ZNF280D: variants seen among roughly 807,000 people sequenced by gnomAD.
The protein encoded by ZNF280D is zinc finger protein 280D, also known as suppressor of hairy wing homolog 4.
Under a neutral mutation model 94.7 loss-of-function variants are expected in ZNF280D, and 39 were observed. The ratio of observed to expected loss-of-function variants is 0.41; its 90% CI spans 0.32 to 0.54. The LOEUF (loss-of-function observed/expected upper bound fraction) is 0.54, where lower values mean the gene tolerates loss of function less well. Among genes scored for constraint, ZNF280D ranks in the 20% least tolerant of loss-of-function variants. The probability of loss-of-function intolerance (pLI) is 0.22; values close to 1 mark genes in which losing one functional copy is unlikely to be tolerated. For missense variants in ZNF280D, 1,090 were observed against 1,149.3 expected, an observed-to-expected ratio of 0.95 and a Z score of 0.75; for synonymous variants, 398 against 377.6, an observed-to-expected ratio of 1.05 and a Z score of -0.63.
chr15:56,720,981 G>C (rs958816836), intron 1 of ZNF280D, among the ~76,000 whole-genome samples: 2 of 123,580 alleles, frequency 1.6e-5, no homozygotes, highest in African/African-American at 5.6e-5. Context: ...GGGGGGGGGG[G>C]GGACAGAGTC....
At chr15:56,673,167 C>T (rs1596453064) in intron 13 of ZNF280D, among the ~76,000 whole-genome samples, 2 of 152,084 alleles carry the variant, frequency 1.3e-5, no homozygotes, top group South Asian at 4.2e-4. Flanking sequence ...TAAATACCAT[C>T]TATCCAAATG....
intron 19 of ZNF280D, chr15:56,653,644 A>C (rs1253458114): frequency 1.4e-6 from 2 of 1,418,634 alleles, no homozygotes; most frequent in African/African-American, 2.9e-5. Flanking sequence ...ACGAATGAGA[A>C]AAAGACAATT....
chr15:56,651,521 A>C (rs2053203755), intron 19 of ZNF280D, among the ~76,000 whole-genome samples: 1 of 152,162 alleles, frequency 6.6e-6, no homozygotes, highest in African/African-American at 2.4e-5. Context: ...TTCATACTTT[A>C]AGAAAATGAA....
intron 4 of ZNF280D, among the ~76,000 whole-genome samples, 157 bp downstream of exon 4, chr15:56,703,964 A>G (rs1464698106): frequency 6.6e-6 from 1 of 152,166 alleles, no homozygotes; most frequent in Non-Finnish European, 1.5e-5. Context: ...CTTTTCTGAC[A>G]TCTGATATTT....
At chr15:56,687,377 T>C (rs577711645) in intron 9 of ZNF280D, among the ~76,000 whole-genome samples, 114 of 152,264 alleles carry the variant, frequency 7.5e-4, no homozygotes, top group Non-Finnish European at 1.2e-3. Context: ...TTTTGGAGAA[T>C]GTTGCCATTC....
chr15:56,682,604 A>G (rs752616136), intron 9 of ZNF280D, 127 bp from the exon 10 acceptor site: 20 of 581,516 alleles, frequency 3.4e-5, no homozygotes, highest in Non-Finnish European at 5.0e-5. Context: ...ATATATCTAG[A>G]AAAATAGTCA....
rs549860860 is a variant in ZNF280D at position 56,727,013 on chromosome 15, G to A, written c.-86+6445C>T. Among the ~76,000 whole-genome samples, 29 of 152,284 alleles carry A rather than the reference G, an allele frequency of 1.9e-4. No individual in the cohort carries two copies. The South Asian group carries it at 5.8e-3, about 30-fold the overall frequency. On this transcript the variant is annotated intron_variant, in intron 1 of 21. Transcript: ENST00000267807. The stretch of plus-strand genomic sequence containing the variant: ...ACTATTTTAACCCCCCCAAAAAAGG[G>A]AACTTGGAATTTCAGGGACAATAAA...
intron 20 of ZNF280D, among the ~76,000 whole-genome samples, chr15:56,640,379 C>T (rs929101833): frequency 2.0e-5 from 3 of 152,076 alleles, no homozygotes; most frequent in Non-Finnish European, 4.4e-5. Flanking sequence ...CCAGCTCTGT[C>T]TCCAAAGTGA....
chr15:56,689,143 A>G lies in ZNF280D; in HGVS notation c.678T>C (p.Asn226=), dbSNP rs1186955999. 1 of 1,604,660 alleles carries G rather than the reference A, an allele frequency of 6.2e-7. No homozygotes were observed. ...CATTTTTAGACTGATTTGATGAGGT[A>G]TTTGTACCTAAAATAAATTCAGAAC... The part of the protein sequence containing the change: ...SSQAMLAKGT[N]TSSNQSKNGT... Residue 226 remains asparagine (N), a synonymous_variant, in exon 9 of 22, where the codon AAT becomes AAC. Coordinates refer to ENST00000267807, the MANE Select transcript of ZNF280D (RefSeq NM_017661.4).
intron 10 of ZNF280D, among the ~76,000 whole-genome samples, chr15:56,679,327 C>A (rs779975854): frequency 5.9e-5 from 9 of 152,170 alleles, no homozygotes; most frequent in Non-Finnish European, 1.0e-4. Context: ...ATTCCAGCTA[C>A]TTAAATGACA....
In ZNF280D at chr15:56,689,155, A is replaced by G; in HGVS notation, c.671-5T>C. ...GATTTGATGAGGTATTTGTACCTAA[A>G]ATAAATTCAGAACATTTATGACTCA... On this transcript the variant is annotated splice_region_variant and splice_polypyrimidine_tract_variant and intron_variant, in intron 8 of 21. Transcript: ENST00000267807. 1 of 1,599,342 alleles carries G rather than the reference A, an allele frequency of 6.3e-7. No individual in the cohort carries two copies. Among genetic ancestry groups the G allele is most frequent in the South Asian group, 1.1e-5 (1 of 87,824 alleles).
At chr15:56,708,907 A>G (rs1422798278) in intron 1 of ZNF280D, among the ~76,000 whole-genome samples, 2 of 152,190 alleles carry the variant, frequency 1.3e-5, no homozygotes, top group African/African-American at 4.8e-5. Context: ...TAAAAACCCT[A>G]GAAGAAAACC....
chr15:56,663,134 T>A, intron 16 of ZNF280D, among the ~76,000 whole-genome samples: 1 of 149,142 alleles, frequency 6.7e-6, no homozygotes. Flanking sequence ...AAAAAAAAAA[T>A]TATCTGAGCA....
chr15:56,724,984 C>G (rs2058562635), intron 1 of ZNF280D: 1 of 386,660 alleles, frequency 2.6e-6, no homozygotes, highest in African/African-American at 2.1e-5. Context: ...GTCAGATAAT[C>G]TTAAACCTTG....
rs150876499 is a variant in ZNF280D at position 56,718,628 on chromosome 15, G to C, written c.-85-11322C>G. On this transcript the variant is annotated intron_variant, in intron 1 of 21. Transcript: ENST00000267807. ...AAGAAAAATTTTCACACAGGGTACA[G>C]GGAATATCTTCCTCTTCAAAACTTC... 5.5e-3 allele frequency among the ~76,000 whole-genome samples: 844 copies of C among 152,216 alleles called. 7 individuals are homozygous for C. The highest frequency in any genetic ancestry group is 0.019 in the African/African-American group (806 of 41,494).
rs2054686911 is a variant in ZNF280D at position 56,669,958 on chromosome 15, T to A, written c.1411-1001A>T. 5.2e-4 allele frequency among the ~76,000 whole-genome samples: 2 copies of A among 3,820 alleles called. 1 individual carries two copies. The highest frequency in any genetic ancestry group is 7.9e-4 in the Non-Finnish European group (2 of 2,532). 2.5% of individuals were successfully genotyped at this position (3,820 alleles called of 152,430 possible). On this transcript the variant is annotated intron_variant, in intron 13 of 21. Coordinates refer to ENST00000267807, the MANE Select transcript of ZNF280D (RefSeq NM_017661.4). Reference sequence around the variant, plus strand: ...ATATTATATATATATATTATATATATATATTATATATATATAATATATATA... The same window carrying A: ...ATATTATATATATATATTATATATAAATATTATATATATATAATATATATA...
intron 1 of ZNF280D, among the ~76,000 whole-genome samples, chr15:56,716,557 G>A (rs1356210298): frequency 6.7e-6 from 1 of 149,312 alleles, no homozygotes; most frequent in Non-Finnish European, 1.5e-5. Context: ...AAGACATAGA[G>A]ATAGACAAGA....
intron 1 of ZNF280D, among the ~76,000 whole-genome samples, chr15:56,709,913 T>C (rs1091645): frequency 1 from 152,043 of 152,240 alleles, 75,924 homozygotes; most frequent in Middle Eastern, 1. Context: ...ATGTAAATGA[T>C]GAGTTAATGG....
At chr15:56,702,910 AACACACACACACACACACACACAC>A (rs59095987) in intron 4 of ZNF280D, among the ~76,000 whole-genome samples, 170 of 135,758 alleles carry the variant, frequency 1.3e-3, no homozygotes, top group African/African-American at 2.9e-3. Context: ...ATGGTAAGTA[AACACACACACACACACACACACAC>A]ACACACACAC....
Sources: allele counts gnomAD v4.1 joint callset (sites outside exome capture counted in the v4.1 genomes callset), GRCh38; gene constraint gnomAD v4.1.1; transcripts MANE v1.5; gene names NCBI Gene and HGNC (gene_info 2026-07-23, HGNC 2026-07-21).